The following PRR16 variants were observed in gnomAD, a reference collection of about 807,000 sequenced individuals.
PRR16 encodes the protein protein Largen.
Under a neutral mutation model 18.2 loss-of-function variants are expected in PRR16, and 6 were observed. The observed-to-expected ratio is 0.33, with a 90% CI of 0.18 to 0.65. The LOEUF is 0.65. Among genes scored for constraint, PRR16 ranks in the 30% least tolerant of loss-of-function variants. The pLI is 0.74. For missense variants in PRR16, 412 were observed against 376.6 expected (o/e 1.09, Z -0.78); for synonymous variants, 151 against 147.8 (o/e 1.02, Z -0.16).
chr5:120,695,233 T>C, the PRR16 span, among the ~76,000 whole-genome samples: 2 of 152,220 alleles, frequency 1.3e-5, no homozygotes, highest in African/African-American at 2.4e-5. Flanking sequence ...CTATATCTTA[T>C]GTGATATTGA....
chr5:120,631,879 C>T (rs1303085862), intron 1 of PRR16, among the ~76,000 whole-genome samples: 1 of 152,184 alleles, frequency 6.6e-6, no homozygotes, highest in African/African-American at 2.4e-5. Context: ...CATAGGACCT[C>T]AGCTGATGCA....
chr5:120,665,135 T>G lies in PRR16; in HGVS notation c.160-20819T>G, dbSNP rs942169190. Among the ~76,000 whole-genome samples, 29 of 121,368 alleles carry G rather than the reference T, an allele frequency of 2.4e-4. 3 individuals are homozygous for G. Among genetic ancestry groups the G allele is most frequent in the African/African-American group, 5.8e-4 (20 of 34,692 alleles). The allele number at this position is 121,368 out of a possible 152,430, so 79.6% of individuals were successfully genotyped here. On this transcript the variant is annotated intron_variant, in intron 1 of 1. Transcript: ENST00000407149. ...CAGCACCTGTTGTTTCCTGACTTTT[T>G]AATGATCTCCATTCTAACTGGTGTG...
chr5:120,726,517 G>A, the PRR16 span, among the ~76,000 whole-genome samples: 2 of 151,930 alleles, frequency 1.3e-5, no homozygotes, highest in Non-Finnish European at 2.9e-5. Flanking sequence ...CTGACAAACA[G>A]AAATGGCATG....
chr5:120,663,855 T>C (rs1756261975), intron 1 of PRR16, among the ~76,000 whole-genome samples: 1 of 152,136 alleles, frequency 6.6e-6, no homozygotes. Context: ...TGACATGCAA[T>C]GAGACTCTGG....
At chr5:120,537,901 C>A (rs1017869425) in intron 1 of PRR16, among the ~76,000 whole-genome samples, 2 of 149,726 alleles carry the variant, frequency 1.3e-5, no homozygotes, top group Non-Finnish European at 3.0e-5. Flanking sequence ...CTCAGCCTCC[C>A]AAGTAGCTGG....
chr5:120,615,220 T>C (rs1165684920), intron 1 of PRR16, among the ~76,000 whole-genome samples: 1 of 152,094 alleles, frequency 6.6e-6, no homozygotes, highest in Non-Finnish European at 1.5e-5. Flanking sequence ...AGCCCCCAAG[T>C]ACCTTGCCTG....
At chr5:120,468,548 A>G (rs1749174152) in intron 1 of PRR16, among the ~76,000 whole-genome samples, 1 of 152,196 alleles carries the variant, frequency 6.6e-6, no homozygotes, top group Non-Finnish European at 1.5e-5. Flanking sequence ...AGTAGGTGTG[A>G]GTGATACTTT....
intron 1 of PRR16, among the ~76,000 whole-genome samples, chr5:120,655,813 G>C (rs536884367): frequency 7.8e-4 from 118 of 150,960 alleles, no homozygotes; most frequent in African/African-American, 2.8e-3. Flanking sequence ...GAAGAGAAGT[G>C]AGACACCCTC....
At chr5:120,570,398 A>G (rs1443746267) in intron 1 of PRR16, among the ~76,000 whole-genome samples, 2 of 152,160 alleles carry the variant, frequency 1.3e-5, no homozygotes, top group Non-Finnish European at 2.9e-5. Flanking sequence ...GTGAAAAGAC[A>G]ACCGCCAAAT....
chr5:120,511,953 G>A (rs554041217), intron 1 of PRR16, among the ~76,000 whole-genome samples: 8 of 152,256 alleles, frequency 5.3e-5, no homozygotes, highest in African/African-American at 1.9e-4. Context: ...ACGTTTTGAT[G>A]AAAGAGAAAT....
intron 1 of PRR16, among the ~76,000 whole-genome samples, chr5:120,626,323 C>CA (rs900104578): frequency 3.3e-5 from 5 of 151,742 alleles, no homozygotes; most frequent in Non-Finnish European, 7.4e-5. Context: ...GGATGAACCA[C>CA]AAAAAAAGCC....
intron 1 of PRR16, among the ~76,000 whole-genome samples, chr5:120,530,181 T>TTA (rs1751496786): frequency 6.9e-6 from 1 of 145,814 alleles, no homozygotes; most frequent in African/African-American, 2.5e-5. Flanking sequence ...TATGCAGTGC[T>TTA]TATATATATA....
At chr5:120,763,091 T>C in the PRR16 span, among the ~76,000 whole-genome samples, 2 of 152,120 alleles carry the variant, frequency 1.3e-5, no homozygotes, top group African/African-American at 2.4e-5. Context: ...GCTGTAAATA[T>C]GTGGATTTGT....
the PRR16 span, among the ~76,000 whole-genome samples, chr5:120,791,398 G>T: frequency 1.3e-5 from 2 of 151,740 alleles, no homozygotes; most frequent in African/African-American, 2.4e-5. Context: ...TAACTATTGA[G>T]AATTAATTTT....
chr5:120,595,512 A>C (rs1334758775), intron 1 of PRR16, among the ~76,000 whole-genome samples: 4 of 151,960 alleles, frequency 2.6e-5, no homozygotes, highest in African/African-American at 9.7e-5. Flanking sequence ...AGTGTAAATT[A>C]GTTCAACCAT....
chr5:120,501,242 A>G (rs984015461), intron 1 of PRR16, among the ~76,000 whole-genome samples: 7 of 152,226 alleles, frequency 4.6e-5, no homozygotes, highest in Non-Finnish European at 1.0e-4. Context: ...ATTTAATTTA[A>G]TAACACAAAT....
chr5:120,668,025 C>T (rs983222117), intron 1 of PRR16, among the ~76,000 whole-genome samples: 10 of 152,044 alleles, frequency 6.6e-5, no homozygotes, highest in African/African-American at 2.2e-4. Flanking sequence ...CTTTCTGTCT[C>T]GTGGATCTGT....
the PRR16 span, among the ~76,000 whole-genome samples, chr5:120,743,969 T>A: frequency 6.6e-6 from 1 of 152,134 alleles, no homozygotes; most frequent in African/African-American, 2.4e-5. Context: ...GGTCCTATAT[T>A]TGTCTTCTTA....
intron 1 of PRR16, among the ~76,000 whole-genome samples, chr5:120,661,552 C>T (rs1438091935): frequency 6.6e-6 from 1 of 151,904 alleles, no homozygotes; most frequent in Non-Finnish European, 1.5e-5. Flanking sequence ...GGAACTAATC[C>T]TAAAAGTAGC....
Sources: allele counts gnomAD v4.1 joint callset (sites outside exome capture counted in the v4.1 genomes callset), GRCh38; gene constraint gnomAD v4.1.1; transcripts MANE v1.5; gene names NCBI Gene and HGNC (gene_info 2026-07-23, HGNC 2026-07-21).